DLC1: variants seen among roughly 807,000 people sequenced by gnomAD.
DLC1 encodes rho GTPase-activating protein 7.
In DLC1, 54 loss-of-function variants were observed where a neutral mutation model predicts 140.3. The ratio of observed to expected loss-of-function variants is 0.38; its 90% confidence interval spans 0.31 to 0.48. The LOEUF is 0.48. Ranked by LOEUF, DLC1 falls within the 20% of genes least tolerant of loss-of-function variation. The pLI, the probability that DLC1 is intolerant of heterozygous loss-of-function variation, is 0.96. For synonymous variants in DLC1, 986 were observed against 728.1 expected (o/e 1.35, Z -5.70); for missense variants, 2,536 against 1,907.0 (o/e 1.33, Z -6.14).
intron 5 of DLC1, among the ~76,000 whole-genome samples, chr8:13,265,379 TGGGA>T (rs1830642937): frequency 6.6e-6 from 1 of 151,668 alleles, no homozygotes; most frequent in Non-Finnish European, 1.5e-5. Flanking sequence ...AGTTTGAGAG[TGGGA>T]GTATGTGTGG....
At chr8:13,372,537 G>A (rs1437771517) in intron 4 of DLC1, among the ~76,000 whole-genome samples, 1 of 152,128 alleles carries the variant, frequency 6.6e-6, no homozygotes, top group Non-Finnish European at 1.5e-5. Context: ...TCCTTTAAGT[G>A]TTTGCATTCA....
chr8:13,402,168 C>T (rs1326642462), intron 2 of DLC1, among the ~76,000 whole-genome samples: 1 of 152,178 alleles, frequency 6.6e-6, no homozygotes, highest in African/African-American at 2.4e-5. Flanking sequence ...TTACTAAAAT[C>T]TCTTCTCTTG....
At chr8:13,370,144 C>G (rs949465606) in intron 4 of DLC1, among the ~76,000 whole-genome samples, 16 of 151,606 alleles carry the variant, frequency 1.1e-4, no homozygotes, top group Non-Finnish European at 1.2e-4. Flanking sequence ...TAAAGCCTAC[C>G]TTGATCACTT....
intron 5 of DLC1, among the ~76,000 whole-genome samples, chr8:13,237,698 A>G (rs7007799): frequency 0.094 from 14,269 of 152,058 alleles, 780 homozygotes; most frequent in South Asian, 0.15. Context: ...CACTTATGAG[A>G]GGATGCACAT....
At chr8:13,182,993 G>A (rs143041592) in intron 5 of DLC1, among the ~76,000 whole-genome samples, 12,337 of 152,036 alleles carry the variant, frequency 0.081, 675 homozygotes, top group South Asian at 0.16. Flanking sequence ...CTTTTATTTC[G>A]TTGAGCAGTG....
intron 4 of DLC1, among the ~76,000 whole-genome samples, chr8:13,308,624 T>TA (rs1317046204): frequency 2.0e-5 from 3 of 152,116 alleles, no homozygotes; most frequent in Admixed American, 1.3e-4. Context: ...TTATCCTAGA[T>TA]AAAAAAACTC....
chr8:13,219,071 T>TACG (rs1828392982), intron 5 of DLC1, among the ~76,000 whole-genome samples: 1 of 120,836 alleles, frequency 8.3e-6, no homozygotes, highest in Non-Finnish European at 1.6e-5. Flanking sequence ...TACGTGAATA[T>TACG]AATTATATAA....
At chr8:13,541,795 T>C (rs1173921632) in intron 1 of DLC1, among the ~76,000 whole-genome samples, 1 of 152,162 alleles carries the variant, frequency 6.6e-6, no homozygotes, top group Non-Finnish European at 1.5e-5. Flanking sequence ...GTGATCCGCC[T>C]GCCTCGGCCT....
At chr8:13,296,205 C>A (rs956342658) in intron 5 of DLC1, among the ~76,000 whole-genome samples, 1 of 151,996 alleles carries the variant, frequency 6.6e-6, no homozygotes, top group Non-Finnish European at 1.5e-5. Context: ...ATTCGCTCAC[C>A]TCGGCCTCCC....
intron 5 of DLC1, among the ~76,000 whole-genome samples, chr8:13,124,009 T>G (rs1294545025): frequency 6.6e-6 from 1 of 152,236 alleles, no homozygotes; most frequent in African/African-American, 2.4e-5. Context: ...TGTCTGTATA[T>G]GTAACTATTA....
chr8:13,225,834 T>C (rs1467383903), intron 5 of DLC1, among the ~76,000 whole-genome samples: 1 of 152,000 alleles, frequency 6.6e-6, no homozygotes, highest in East Asian at 1.9e-4. Context: ...TCAGGATGGT[T>C]TGGATCTCCT....
chr8:13,380,077 T>C (rs887240457), intron 4 of DLC1, among the ~76,000 whole-genome samples: 1 of 152,150 alleles, frequency 6.6e-6, no homozygotes, highest in African/African-American at 2.4e-5. Flanking sequence ...TCCTTGTCAT[T>C]GGATCTCCTC....
chr8:13,121,285 C>T (rs1821037978), intron 5 of DLC1, among the ~76,000 whole-genome samples: 1 of 152,106 alleles, frequency 6.6e-6, no homozygotes, highest in African/African-American at 2.4e-5. Flanking sequence ...GATGCATTCT[C>T]CTCCCCGTGG....
intron 5 of DLC1, among the ~76,000 whole-genome samples, chr8:13,301,946 A>T (rs1216971057): frequency 6.6e-6 from 1 of 152,136 alleles, no homozygotes; most frequent in African/African-American, 2.4e-5. Flanking sequence ...TTTCCATGAA[A>T]CTGGTTCCTG....
intron 1 of DLC1, among the ~76,000 whole-genome samples, chr8:13,601,273 A>T (rs1003168942): frequency 5.3e-5 from 8 of 151,912 alleles, no homozygotes; most frequent in Non-Finnish European, 8.9e-5. Context: ...ATTTCTGACT[A>T]GCTCTTGAGC....
At chr8:13,481,194 G>A (rs1800718639) in intron 2 of DLC1, among the ~76,000 whole-genome samples, 1 of 152,152 alleles carries the variant, frequency 6.6e-6, no homozygotes, top group African/African-American at 2.4e-5. Flanking sequence ...GGAGGCCAAG[G>A]CAGCTGGATC....
intron 2 of DLC1, among the ~76,000 whole-genome samples, chr8:13,403,300 C>A (rs1359091896): frequency 6.6e-6 from 1 of 152,190 alleles, no homozygotes; most frequent in African/African-American, 2.4e-5. Context: ...TTCCATGTAT[C>A]TTATCCCTCA....
At chr8:13,089,975 A>C (rs1005455623) in intron 15 of DLC1, among the ~76,000 whole-genome samples, 3 of 152,258 alleles carry the variant, frequency 2.0e-5, no homozygotes, top group Non-Finnish European at 2.9e-5. Context: ...TTAGCAAAAC[A>C]TTCTAGGGAA....
chr8:13,098,266 G>T, intron 10 of DLC1, 133 bp downstream of exon 10: 2 of 1,168,688 alleles, frequency 1.7e-6, no homozygotes, highest in Non-Finnish European at 1.2e-6. Context: ...TGCAGAGAGT[G>T]ATTGCCATAG....
Sources: gnomAD v4.1 joint callset for allele counts (sites outside exome capture counted in the v4.1 genomes callset) on GRCh38, gnomAD v4.1.1 for gene constraint, MANE v1.5 for transcripts, NCBI Gene and HGNC (gene_info 2026-07-23, HGNC 2026-07-21) for gene names.